Variants in FNDC3B observed in about 807,000 individuals in gnomAD.
FNDC3B encodes the protein fibronectin type III domain containing 3B.
FNDC3B carries 12 observed loss-of-function variants against 151.5 expected under a neutral mutation model. That is an observed-to-expected ratio of 0.08 (90% CI 0.05 to 0.13). FNDC3B has a LOEUF of 0.13. Ranked by LOEUF, FNDC3B falls within the 10% of genes least tolerant of loss-of-function variation. The pLI, the probability that FNDC3B is intolerant of heterozygous loss-of-function variation, is 1.00. For missense variants in FNDC3B, 1,214 were observed against 1,505.3 expected, an observed-to-expected ratio of 0.81 and a Z score of 3.20; for synonymous variants, 528 against 549.0, an observed-to-expected ratio of 0.96 and a Z score of 0.54.
chr3:172,107,301 G>A (rs575127350), intron 1 of FNDC3B, among the ~76,000 whole-genome samples: 143 of 152,298 alleles, frequency 9.4e-4, no homozygotes, highest in Non-Finnish European at 1.6e-3. Context: ...AGAAACCCTG[G>A]TGCTCTGTGT....
At chr3:172,316,478 T>A (rs1383685585) in intron 11 of FNDC3B, 4 of 455,892 alleles carry the variant, frequency 8.8e-6, no homozygotes, top group African/African-American at 8.0e-5. Context: ...CAGTCTGTTT[T>A]AATGTTCCTA....
intron 2 of FNDC3B, among the ~76,000 whole-genome samples, chr3:172,121,181 A>G (rs1172424931): frequency 6.6e-6 from 1 of 152,220 alleles, no homozygotes; most frequent in Non-Finnish European, 1.5e-5. Flanking sequence ...TTTAAACTTT[A>G]AATTGCATCT....
intron 1 of FNDC3B, among the ~76,000 whole-genome samples, chr3:172,073,691 G>A (rs1191473014): frequency 1.3e-5 from 2 of 152,172 alleles, no homozygotes; most frequent in Non-Finnish European, 2.9e-5. Context: ...TCAAAGAGCA[G>A]ATCAGCATTA....
chr3:172,304,435 A>G (rs1194749374), intron 9 of FNDC3B, among the ~76,000 whole-genome samples: 1 of 152,262 alleles, frequency 6.6e-6, no homozygotes, highest in Non-Finnish European at 1.5e-5. Context: ...GGGTGGAGGC[A>G]GAGAACCTAA....
chr3:172,181,580 C>T (rs1015707356), intron 3 of FNDC3B, among the ~76,000 whole-genome samples: 2 of 151,650 alleles, frequency 1.3e-5, no homozygotes, highest in African/African-American at 2.4e-5. Flanking sequence ...CCTGTAATCC[C>T]GGCACTTTGG....
chr3:172,343,935 C>T lies in FNDC3B; in HGVS notation c.2078-151C>T, dbSNP rs188711766. ...CATTCAGAAACTTTTATTTTTATAT[C>T]TCTTTTTTGGTGGGCATGGATTCTT... On this transcript the variant is annotated intron_variant, in intron 18 of 25. Coordinates refer to ENST00000415807, the MANE Select transcript of FNDC3B (RefSeq NM_022763.4). 1.1e-3 allele frequency: 731 copies of T among 641,932 alleles called. 5 individuals carry two copies. In the African/African-American group the frequency reaches 0.012, roughly 10 times the overall value. 39.8% of individuals were successfully genotyped at this position (641,932 alleles called of 1,614,324 possible). A position where few individuals can be genotyped will look rare whatever the true frequency, so the allele number is the denominator to read the frequency against.
intron 8 of FNDC3B, among the ~76,000 whole-genome samples, chr3:172,296,620 G>C (rs886132987): frequency 6.6e-6 from 1 of 152,170 alleles, no homozygotes; most frequent in African/African-American, 2.4e-5. Context: ...ACTGTATTTA[G>C]GATATTCCTA....
rs1214494925 is a variant in FNDC3B at position 172,295,398 on chromosome 3, C to G, written c.885C>G (p.Ser295=). Reference sequence around the variant, plus strand: ...TTCAGGCAAGAGCAGTTGTGTTGTCCTGGGCTCCCCCTGTTGGACTTTCCT... The same window carrying G: ...TTCAGGCAAGAGCAGTTGTGTTGTCGTGGGCTCCCCCTGTTGGACTTTCCT... The part of the protein sequence containing the change: ...SNIQARAVVL[S]WAPPVGLSCG... The change falls in exon 8 of 26, where the codon TCC becomes TCG. Residue 295 remains serine, a synonymous_variant. Coordinates refer to ENST00000415807, the MANE Select transcript of FNDC3B (RefSeq NM_022763.4). 6.2e-7 allele frequency: 1 copy of G among 1,613,974 alleles called. No homozygotes were observed. The highest frequency in any genetic ancestry group is 8.5e-7 in the Non-Finnish European group (1 of 1,179,898).
intron 2 of FNDC3B, among the ~76,000 whole-genome samples, chr3:172,114,861 G>C (rs1720167255): frequency 6.6e-6 from 1 of 152,150 alleles, no homozygotes; most frequent in Non-Finnish European, 1.5e-5. Context: ...TTATGAAAAA[G>C]TGGGGGTACA....
chr3:172,071,818 A>C (rs1717794328), intron 1 of FNDC3B, among the ~76,000 whole-genome samples: 1 of 152,130 alleles, frequency 6.6e-6, no homozygotes, highest in Non-Finnish European at 1.5e-5. Context: ...CATAGCGAGC[A>C]CTTCCGTATG....
At chr3:172,254,725 T>C (rs1230570910) in intron 6 of FNDC3B, among the ~76,000 whole-genome samples, 2 of 152,198 alleles carry the variant, frequency 1.3e-5, no homozygotes, top group African/African-American at 4.8e-5. Flanking sequence ...AAAACAGGCA[T>C]GACAGAGGCC....
At chr3:172,101,014 G>A (rs1046797174) in intron 1 of FNDC3B, among the ~76,000 whole-genome samples, 2 of 152,068 alleles carry the variant, frequency 1.3e-5, no homozygotes, top group African/African-American at 4.8e-5. Context: ...ATGTTTAATG[G>A]TACAGATTCT....
rs574387439 is a variant in FNDC3B at position 172,177,898 on chromosome 3, T to C, written c.187+44352T>C. ...CCAGTGTGTGTTGTTCCCCTCCCTG[T>C]GTCCTTGTGTTCTCATTGTTCAACT... On this transcript the variant is annotated intron_variant, in intron 3 of 25. Transcript: ENST00000415807. Among the ~76,000 whole-genome samples, 5 of 152,102 alleles carry C rather than the reference T, an allele frequency of 3.3e-5. No homozygotes were observed. The South Asian group carries it at 1.0e-3, about 32-fold the overall frequency.
chr3:172,358,773 C>G (rs1198514980), intron 22 of FNDC3B, among the ~76,000 whole-genome samples: 1 of 152,192 alleles, frequency 6.6e-6, no homozygotes, highest in Non-Finnish European at 1.5e-5. Context: ...CTTCTTACAT[C>G]CCTTATCTTA....
intron 25 of FNDC3B, among the ~76,000 whole-genome samples, chr3:172,390,604 G>A (rs1238944528): frequency 6.6e-6 from 1 of 150,948 alleles, no homozygotes; most frequent in African/African-American, 2.4e-5. Flanking sequence ...TGATCCTCCC[G>A]CTGAGCCCAC....
At chr3:172,209,960 G>A (rs371191965) in intron 3 of FNDC3B, among the ~76,000 whole-genome samples, 3 of 152,214 alleles carry the variant, frequency 2.0e-5, no homozygotes, top group Non-Finnish European at 2.9e-5. Context: ...CGGCTGGCTC[G>A]CAACAGTGCC....
chr3:172,137,087 G>A (rs1206203594), intron 3 of FNDC3B, among the ~76,000 whole-genome samples: 1 of 152,046 alleles, frequency 6.6e-6, no homozygotes, highest in Admixed American at 6.6e-5. Context: ...ATTATGCCGT[G>A]GTTGAAACTG....
chr3:172,253,484 C>T (rs886135006), intron 6 of FNDC3B, among the ~76,000 whole-genome samples: 4 of 152,150 alleles, frequency 2.6e-5, no homozygotes, highest in African/African-American at 9.7e-5. Context: ...AAGGCTTTTT[C>T]CTTCTTTCTC....
At chr3:172,298,888 G>C in intron 9 of FNDC3B, 101 bp downstream of exon 9, 1 of 764,606 alleles carries the variant, frequency 1.3e-6, no homozygotes, top group Non-Finnish European at 2.1e-6. Flanking sequence ...TGCTTACCTT[G>C]CTGAAAGTTG....
Sources: gnomAD v4.1 joint callset for allele counts (sites outside exome capture counted in the v4.1 genomes callset) on GRCh38, gnomAD v4.1.1 for gene constraint, MANE v1.5 for transcripts, NCBI Gene and HGNC (gene_info 2026-07-23, HGNC 2026-07-21) for gene names.